The following DOCK10 variants were observed in gnomAD, a reference collection of about 807,000 sequenced individuals.
DOCK10 encodes the protein dedicator of cytokinesis protein 10.
DOCK10 carries 145 observed loss-of-function variants against 280.1 expected under a neutral mutation model. The ratio of observed to expected loss-of-function variants is 0.52; its 90% CI spans 0.45 to 0.59. The LOEUF is 0.59. DOCK10 is among the 20% of genes least tolerant of loss of function. DOCK10 has a pLI of 0.00. For missense variants in DOCK10, 2,368 were observed against 2,651.7 expected (o/e 0.89, Z 2.35); for synonymous variants, 915 against 942.2 (o/e 0.97, Z 0.53).
intron 53 of DOCK10, among the ~76,000 whole-genome samples, chr2:224,771,980 G>A (rs905000388): frequency 4.0e-5 from 6 of 151,644 alleles, no homozygotes; most frequent in Non-Finnish European, 8.8e-5. Flanking sequence ...GAGTGCAATG[G>A]CATGATCTCA....
At chr2:224,939,600 A>T (rs922979055) in intron 1 of DOCK10, among the ~76,000 whole-genome samples, 3 of 152,232 alleles carry the variant, frequency 2.0e-5, no homozygotes, top group African/African-American at 7.2e-5. Flanking sequence ...CAACCCAATT[A>T]CAAGGCTGCC....
chr2:224,813,193 A>T (rs896089166), intron 31 of DOCK10, among the ~76,000 whole-genome samples: 1 of 152,154 alleles, frequency 6.6e-6, no homozygotes, highest in African/African-American at 2.4e-5. Context: ...CCTTAAATAT[A>T]CAAAATTTTT....
In DOCK10 at chr2:224,838,843, T is replaced by C. The variant is rs115677552; in HGVS notation, c.2781-1012A>G. On this transcript the variant is annotated intron_variant, in intron 24 of 55. Transcript: ENST00000258390. ...GTGATTTGTGAAGGCATTGGCCAGATTAGAGATGTTGGAAGAATTCAGTAT... is the reference window on the plus strand; with the variant it reads ...GTGATTTGTGAAGGCATTGGCCAGACTAGAGATGTTGGAAGAATTCAGTAT... Among the ~76,000 whole-genome samples, 518 of 152,298 alleles carry C rather than the reference T, an allele frequency of 3.4e-3. 1 individual carries two copies. The highest frequency in any genetic ancestry group is 0.011 in the African/African-American group (475 of 41,550).
chr2:224,981,872 A>G (rs1404804075), intron 1 of DOCK10, among the ~76,000 whole-genome samples: 1 of 152,238 alleles, frequency 6.6e-6, no homozygotes, highest in East Asian at 1.9e-4. Context: ...TTCAAATTAT[A>G]GTTATAAAAT....
At chr2:224,881,442 C>T (rs1189577005) in intron 7 of DOCK10, among the ~76,000 whole-genome samples, 1 of 152,130 alleles carries the variant, frequency 6.6e-6, no homozygotes, top group Non-Finnish European at 1.5e-5. Flanking sequence ...ATGAACATAT[C>T]TTTGTAGTGT....
intron 48 of DOCK10, among the ~76,000 whole-genome samples, 182 bp downstream of exon 48, chr2:224,788,882 T>C (rs1040267778): frequency 2.6e-5 from 4 of 152,240 alleles, no homozygotes; most frequent in African/African-American, 9.6e-5. Flanking sequence ...AGACTTAGTT[T>C]AAATTTTCGC....
rs375019228 is a variant in DOCK10, at chr2:224,810,105, G to A, written c.3410-2019C>T. 2.6e-5 allele frequency among the ~76,000 whole-genome samples: 4 copies of A among 151,912 alleles called. No homozygotes were observed. The East Asian group carries it at 5.8e-4, about 22-fold the overall frequency. ...GAAGGACAAATACTGCATGATCTCA[G>A]TTAATATGTGGAATCTAAAGAAATC... On this transcript the variant is annotated intron_variant, in intron 31 of 55. Coordinates refer to ENST00000258390, the MANE Select transcript of DOCK10 (RefSeq NM_014689.3).
chr2:225,027,134 C>T (rs774062326), intron 1 of DOCK10, among the ~76,000 whole-genome samples: 9 of 152,090 alleles, frequency 5.9e-5, no homozygotes, highest in Non-Finnish European at 1.3e-4. Flanking sequence ...GTCTGAGATC[C>T]GTCATGGATG....
chr2:224,849,066 C>T (rs999716660), intron 19 of DOCK10, among the ~76,000 whole-genome samples: 29 of 152,224 alleles, frequency 1.9e-4, no homozygotes, highest in Middle Eastern at 3.4e-3. Context: ...ATCTCCGACT[C>T]CCTGGTTCAA....
At chr2:224,961,484 C>CTTTCTTTCTT (rs1412409913) in intron 1 of DOCK10, among the ~76,000 whole-genome samples, 1 of 67,158 alleles carries the variant, frequency 1.5e-5, no homozygotes, top group East Asian at 3.9e-4. Flanking sequence ...TTCTTTCTTT[C>CTTTCTTTCTT]TCTTTCTTTC....
At chr2:224,785,292 C>CTT (rs71774747) in intron 50 of DOCK10, among the ~76,000 whole-genome samples, 109 of 148,702 alleles carry the variant, frequency 7.3e-4, no homozygotes, top group East Asian at 3.5e-3. Context: ...TCTAAATTTG[C>CTT]TTTTTTTTTT....
intron 1 of DOCK10, among the ~76,000 whole-genome samples, chr2:225,006,904 C>T (rs895833809): frequency 2.6e-5 from 4 of 152,144 alleles, no homozygotes; most frequent in Non-Finnish European, 4.4e-5. Flanking sequence ...GAACTTCAAG[C>T]CATTAGATTA....
chr2:224,882,047 G>A (rs1699008817), intron 7 of DOCK10, among the ~76,000 whole-genome samples: 1 of 152,192 alleles, frequency 6.6e-6, no homozygotes, highest in Non-Finnish European at 1.5e-5. Flanking sequence ...AAGGAAATGA[G>A]CCTTGTCCAC....
chr2:224,902,536 A>G (rs1438319343), intron 3 of DOCK10, among the ~76,000 whole-genome samples: 1 of 152,216 alleles, frequency 6.6e-6, no homozygotes. Flanking sequence ...TTATGCATTG[A>G]AAGAGTGGCC....
At chr2:224,797,670 C>T (rs1208568809) in intron 42 of DOCK10, among the ~76,000 whole-genome samples, 162 bp downstream of exon 42, 1 of 152,288 alleles carries the variant, frequency 6.6e-6, no homozygotes, top group South Asian at 2.1e-4. Context: ...CAAGGCTGTG[C>T]ACTCATTTTG....
chr2:224,957,417 A>T (rs1381336430), intron 1 of DOCK10, among the ~76,000 whole-genome samples: 1 of 151,868 alleles, frequency 6.6e-6, no homozygotes, highest in East Asian at 1.9e-4. Flanking sequence ...CAGCCTGCTG[A>T]GTAGCTGGGA....
Position 224,921,095 on chromosome 2 carries a change from AAAAAAAAAAAAAAAAAAATATAT to A in DOCK10, c.244-4334_244-4312del, listed in dbSNP as rs1420448683. On this transcript the variant is annotated intron_variant, in intron 2 of 55. Coordinates refer to ENST00000258390, the MANE Select transcript of DOCK10 (RefSeq NM_014689.3). ...CATGGGAAAACACCGTCTCTATTAA[AAAAAAAAAAAAAAAAAAATATAT>A]ATATATATATATATATAATGTATAT... 1.6e-4 allele frequency among the ~76,000 whole-genome samples: 6 copies of A among 38,154 alleles called. 1 individual carries two copies. The highest frequency in any genetic ancestry group is 3.0e-4 in the Non-Finnish European group (6 of 20,112). The allele number at this position is 38,154 out of a possible 152,430, so 25.0% of individuals were successfully genotyped here.
At chr2:224,856,655 A>G (rs1697165266) in intron 15 of DOCK10, among the ~76,000 whole-genome samples, 1 of 152,234 alleles carries the variant, frequency 6.6e-6, no homozygotes, top group Non-Finnish European at 1.5e-5. Flanking sequence ...AATAACTGAC[A>G]TAGTTTAACA....
intron 2 of DOCK10, among the ~76,000 whole-genome samples, chr2:224,918,668 T>A (rs1701482536): frequency 6.8e-6 from 1 of 147,646 alleles, no homozygotes; most frequent in South Asian, 2.2e-4. Flanking sequence ...ATGGTGTGAG[T>A]ATGAGTGTGG....
Sources: gnomAD v4.1 joint callset for allele counts (sites outside exome capture counted in the v4.1 genomes callset) on GRCh38, gnomAD v4.1.1 for gene constraint, MANE v1.5 for transcripts, NCBI Gene and HGNC (gene_info 2026-07-23, HGNC 2026-07-21) for gene names.